The following LRRC52 variants were observed in gnomAD, a reference collection of about 807,000 sequenced individuals.
LRRC52 encodes the protein leucine-rich repeat-containing protein 52.
LRRC52 carries 15 observed loss-of-function variants against 14.7 expected under a neutral mutation model. The observed-to-expected ratio is 1.02, with a 90% CI of 0.68 to 1.58. The LOEUF (loss-of-function observed/expected upper bound fraction) is 1.58. Among genes scored for constraint, LRRC52 ranks in the 40% most tolerant of loss-of-function variants. The pLI is 0.00. For synonymous variants in LRRC52, 180 were observed against 163.9 expected, an observed-to-expected ratio of 1.10 and a Z score of -0.75; for missense variants, 400 against 387.7, an observed-to-expected ratio of 1.03 and a Z score of -0.27.
chr1:165,557,692 A>G (rs947874531), intron 1 of LRRC52, among the ~76,000 whole-genome samples: 2 of 152,202 alleles, frequency 1.3e-5, no homozygotes, highest in African/African-American at 4.8e-5. Flanking sequence ...ATTTGGGTGG[A>G]CTGGGGCCTA....
intron 1 of LRRC52, among the ~76,000 whole-genome samples, chr1:165,561,746 A>C (rs1661348970): frequency 6.6e-6 from 1 of 152,236 alleles, no homozygotes; most frequent in South Asian, 2.1e-4. Context: ...TAAAAGCTTG[A>C]GTCCTAAACA....
intron 1 of LRRC52, among the ~76,000 whole-genome samples, chr1:165,548,828 G>A (rs780373449): frequency 3.9e-5 from 6 of 152,152 alleles, no homozygotes; most frequent in Non-Finnish European, 7.3e-5. Context: ...AAAACAAATG[G>A]TTGGTAGATG....
chr1:165,556,782 T>C (rs1341247882), intron 1 of LRRC52, among the ~76,000 whole-genome samples: 1 of 152,234 alleles, frequency 6.6e-6, no homozygotes, highest in African/African-American at 2.4e-5. Context: ...CTTGAAATTC[T>C]CATAGGTTTG....
rs751847348 is a variant in LRRC52 at position 165,563,830 on chromosome 1, A to G, written c.*6A>G. The stretch of plus-strand genomic sequence containing the variant: ...AGTTCCCTCAGCTTATTTAGTTGCC[A>G]GAGACCACTATCTTATGTGCCTCCC... On this transcript the variant is annotated 3_prime_UTR_variant, in exon 2 of 2. Transcript: ENST00000294818. The G allele has an allele frequency of 1.2e-6, 2 of 1,612,420 alleles. No homozygotes were observed. The highest frequency in any genetic ancestry group is 8.5e-7 in the Non-Finnish European group (1 of 1,179,050).
intron 1 of LRRC52, among the ~76,000 whole-genome samples, chr1:165,561,336 G>A (rs187149347): frequency 2.6e-5 from 4 of 152,248 alleles, no homozygotes; most frequent in East Asian, 3.9e-4. Flanking sequence ...CAGACCCTCC[G>A]AATCCCATGT....
At chr1:165,557,088 A>G (rs1661249769) in intron 1 of LRRC52, among the ~76,000 whole-genome samples, 2 of 152,200 alleles carry the variant, frequency 1.3e-5, no homozygotes, top group Non-Finnish European at 2.9e-5. Flanking sequence ...GAGTACAGAA[A>G]AAGGGTCTCT....
At position 165,544,439 on chromosome 1, in the gene LRRC52, C is replaced by T; in HGVS notation, c.143C>T (p.Pro48Leu). The T allele has an allele frequency of 6.2e-7, 1 of 1,614,138 alleles. No homozygotes were observed. Among genetic ancestry groups the T allele is most frequent in the Non-Finnish European group, 8.5e-7 (1 of 1,180,026 alleles). The change falls in exon 1 of 2, where the codon CCC (proline) becomes CTC (leucine). Residue 48 changes from proline (P) to leucine (L), a missense_variant. By Grantham distance (98) the Pro-to-Leu change is moderately conservative (BLOSUM62 -3). Transcript: ENST00000294818. ...ICTGKQLTEY[P>L]LDIPLNTRRL... ...ACAGGGAAGCAGTTAACCGAATACC[C>T]CCTTGACATACCCCTGAACACCCGG...
At position 165,563,575 on chromosome 1, in the gene LRRC52, A is replaced by C. The variant is rs1661392011; in HGVS notation, c.693A>C (p.Pro231=). 6.2e-7 allele frequency: 1 copy of C among 1,614,100 alleles called. No homozygotes were observed. The highest frequency in any genetic ancestry group is 8.5e-7 in the Non-Finnish European group (1 of 1,180,018). The change falls in exon 2 of 2, where the codon CCA becomes CCC. Residue 231 remains proline, a synonymous_variant. Transcript: ENST00000294818. The part of the protein sequence containing the change: ...TGWPITRVGN[P]LRYMCITHLD... ...GGCCCATCACCCGGGTGGGGAACCC[A>C]CTCCGATACATGTGCATCACGCACC... is the stretch of plus-strand genomic sequence containing the variant.
In LRRC52 at chr1:165,552,895, C is replaced by T. The variant is rs1348376297; in HGVS notation, c.622+7977C>T. Among the ~76,000 whole-genome samples the T allele has an allele frequency of 2.0e-5, 3 of 152,130 alleles. No homozygotes were observed. In the East Asian group the frequency reaches 5.8e-4, roughly 29 times the overall value. On this transcript the variant is annotated intron_variant, in intron 1 of 1. Coordinates refer to ENST00000294818, the MANE Select transcript of LRRC52 (RefSeq NM_001005214.4). ...TCAATGGTAGCTCCCAAGACTTTGG[C>T]TTGGACAGTGTGGGGGCTTTGCTGA...
chr1:165,551,002 T>TGAGAGGAGAACAGCGCTC (rs1428331499), intron 1 of LRRC52, among the ~76,000 whole-genome samples: 2 of 151,742 alleles, frequency 1.3e-5, no homozygotes, highest in Admixed American at 1.3e-4. Flanking sequence ...ACACAGGAGG[T>TGAGAGGAGAACAGCGCTC]GAGAGGAGAA....
At chr1:165,557,948 T>C (rs1661271760) in intron 1 of LRRC52, among the ~76,000 whole-genome samples, 1 of 152,170 alleles carries the variant, frequency 6.6e-6, no homozygotes, top group Non-Finnish European at 1.5e-5. Context: ...CCTGGCTCCT[T>C]TGGGGGCACC....
intron 1 of LRRC52, among the ~76,000 whole-genome samples, chr1:165,555,832 T>A (rs12750195): frequency 6.6e-6 from 1 of 152,134 alleles, no homozygotes; most frequent in Non-Finnish European, 1.5e-5. Flanking sequence ...GCTCCTGGGG[T>A]TTCACAATGG....
intron 1 of LRRC52, among the ~76,000 whole-genome samples, chr1:165,550,818 T>C (rs764534573): frequency 2.0e-5 from 3 of 152,186 alleles, no homozygotes; most frequent in Non-Finnish European, 4.4e-5. Flanking sequence ...GAAAATAGAA[T>C]TGAAAGCCAG....
chr1:165,544,229 C>CCCCCCCCCGCGCG lies in LRRC52; in HGVS notation c.-68_-67insCCCCCCCCGCGCG. On this transcript the variant is annotated 5_prime_UTR_variant, in exon 1 of 2. Coordinates refer to ENST00000294818, the MANE Select transcript of LRRC52 (RefSeq NM_001005214.4). Reference sequence around the variant, plus strand: ...CCCCTCCCCCGCCCCACCCCCCCACCGGCAGCCTTCGGATCAGAGGACAGA... The same window carrying CCCCCCCCCGCGCG: ...CCCCTCCCCCGCCCCACCCCCCCACCCCCCCCCCGCGCGGGCAGCCTTCGGATCAGAGGACAGA... The CCCCCCCCCGCGCG allele has an allele frequency of 6.8e-7, 1 of 1,476,570 alleles. No individual in the cohort carries two copies. Among genetic ancestry groups the CCCCCCCCCGCGCG allele is most frequent in the Non-Finnish European group, 9.1e-7 (1 of 1,101,700 alleles). 91.5% of individuals were successfully genotyped at this position (1,476,570 alleles called of 1,614,324 possible). A position where few individuals can be genotyped will look rare whatever the true frequency, so the allele number is the denominator to read the frequency against.
Position 165,544,445 on chromosome 1 carries a change from A to G in LRRC52, c.149A>G (p.Asp50Gly). ...TGKQLTEYPL[D>G]IPLNTRRLFL... ...AAGCAGTTAACCGAATACCCCCTTG[A>G]CATACCCCTGAACACCCGGAGGCTG... Residue 50 changes from aspartate to glycine, a missense_variant, in exon 1 of 2, where the codon GAC (aspartate) becomes GGC (glycine). Coordinates refer to ENST00000294818, the MANE Select transcript of LRRC52 (RefSeq NM_001005214.4). 3 of 1,614,140 alleles carry G rather than the reference A, an allele frequency of 1.9e-6. No individual in the cohort carries two copies. Among genetic ancestry groups the G allele is most frequent in the Non-Finnish European group, 2.5e-6 (3 of 1,180,016 alleles).
chr1:165,561,256 C>G (rs975834335), intron 1 of LRRC52, among the ~76,000 whole-genome samples: 1 of 152,158 alleles, frequency 6.6e-6, no homozygotes, highest in Non-Finnish European at 1.5e-5. Context: ...TCATCTCTGC[C>G]GCCCAAGCTG....
chr1:165,546,065 G>T (rs1443819866), intron 1 of LRRC52, among the ~76,000 whole-genome samples: 1 of 152,058 alleles, frequency 6.6e-6, no homozygotes, highest in East Asian at 1.9e-4. Context: ...AAGGAGAACT[G>T]GGGGAGAGAG....
At chr1:165,546,457 A>T (rs948569298) in intron 1 of LRRC52, among the ~76,000 whole-genome samples, 2 of 152,228 alleles carry the variant, frequency 1.3e-5, no homozygotes, top group Middle Eastern at 3.2e-3. Context: ...CTTTTCTCCA[A>T]AACTGTGATA....
At chr1:165,553,832 T>C (rs1661183316) in intron 1 of LRRC52, among the ~76,000 whole-genome samples, 1 of 152,172 alleles carries the variant, frequency 6.6e-6, no homozygotes, top group South Asian at 2.1e-4. Context: ...TATTTCTCTT[T>C]CAGTGAGGTG....
Sources: allele counts gnomAD v4.1 joint callset (sites outside exome capture counted in the v4.1 genomes callset), GRCh38; gene constraint gnomAD v4.1.1; transcripts MANE v1.5; gene names NCBI Gene and HGNC (gene_info 2026-07-23, HGNC 2026-07-21).